HELZ: variants seen among roughly 807,000 people sequenced by gnomAD.
The protein encoded by HELZ is ATP-dependent RNA helicase with zinc finger domain.
In HELZ, 23 loss-of-function variants were observed where a neutral mutation model predicts 218.2. The observed-to-expected ratio is 0.11, with a 90% CI of 0.08 to 0.15. HELZ has a LOEUF of 0.15. Among genes scored for constraint, HELZ ranks in the 10% least tolerant of loss-of-function variants. The probability of loss-of-function intolerance (pLI) is 1.00; values close to 1 mark genes in which losing one functional copy is unlikely to be tolerated. For synonymous variants in HELZ, 814 were observed against 829.4 expected (o/e 0.98, Z 0.32); for missense variants, 1,813 against 2,353.7 (o/e 0.77, Z 4.75).
chr17:67,081,528 T>C (rs867295641), intron 32 of HELZ, among the ~76,000 whole-genome samples: 2 of 152,168 alleles, frequency 1.3e-5, no homozygotes, highest in Admixed American at 6.5e-5. Context: ...TAGCACTTGG[T>C]TTTATGTCCT....
chr17:67,156,638 A>C (rs2038851000), intron 17 of HELZ, among the ~76,000 whole-genome samples: 2 of 151,856 alleles, frequency 1.3e-5, no homozygotes, highest in African/African-American at 2.4e-5. Flanking sequence ...AGCTTCCATG[A>C]CTCAAGCTTT....
intron 4 of HELZ, among the ~76,000 whole-genome samples, 147 bp downstream of exon 4, chr17:67,218,434 GTTCAAAAACGTAGT>G (rs1166345568): frequency 1.3e-5 from 2 of 152,058 alleles, no homozygotes; most frequent in Non-Finnish European, 2.9e-5. Context: ...AGTTTTCAAG[GTTCAAAAACGTAGT>G]TACCTTGCCA....
Position 67,188,536 on chromosome 17 carries a change from T to C in HELZ, c.945A>G (p.Gly315=), listed in dbSNP as rs1162516735. 6.2e-7 allele frequency: 1 copy of C among 1,613,794 alleles called. No homozygotes were observed. Reference sequence around the variant, plus strand: ...CTTGTGATACCTGGGTAGTACTATCTCCGGCAGATATTGCAATGATACTAA... The same window carrying C: ...CTTGTGATACCTGGGTAGTACTATCCCCGGCAGATATTGCAATGATACTAA... ...PHFSIIAISA[G]DSTTQVSQEV... The change falls in exon 12 of 33, where the codon GGA becomes GGG. Residue 315 remains glycine (G), a synonymous_variant. Transcript: ENST00000358691. The surrounding 1 kb of genome is among the most constrained non-coding windows in gnomAD (Gnocchi z 4.1).
chr17:67,152,779 A>C (rs889902114), intron 17 of HELZ, among the ~76,000 whole-genome samples: 4 of 151,510 alleles, frequency 2.6e-5, no homozygotes, highest in Admixed American at 1.3e-4. Context: ...AAAAAAAAAA[A>C]AAAAAACAAC....
intron 25 of HELZ, among the ~76,000 whole-genome samples, chr17:67,123,629 C>T (rs988236464): frequency 6.6e-6 from 1 of 152,084 alleles, no homozygotes; most frequent in African/African-American, 2.4e-5. Context: ...TATTTATGAT[C>T]TGATATTTGT....
upstream of HELZ, chr17:67,245,354 CT>C: frequency 2.8e-6 from 2 of 709,962 alleles, no homozygotes; most frequent in Non-Finnish European, 1.7e-6. Flanking sequence ...GCCCCTTCCC[CT>C]CCCCCGGGCT....
rs150084664 is a variant in HELZ at position 67,174,029 on chromosome 17, G to C, written c.1430+4630C>G. Among the ~76,000 whole-genome samples, 114 of 152,112 alleles carry C rather than the reference G, an allele frequency of 7.5e-4. 1 individual carries two copies. The highest frequency in any genetic ancestry group is 2.7e-3 in the African/African-American group (112 of 41,494). ...TTCACTTCAAAGTAGAATCATTATT[G>C]AACACACACCAACATGTGACTGAGG... On this transcript the variant is annotated intron_variant, in intron 13 of 32. Coordinates refer to ENST00000358691, the MANE Select transcript of HELZ (RefSeq NM_014877.4).
chr17:67,109,622 C>A lies in HELZ; in HGVS notation c.3983G>T (p.Ser1328Ile), dbSNP rs1177017937. ...PESRPSVVYP[S>I]TKFPRKDNLN... Reference sequence around the variant, plus strand: ...ATTATCTTTGCGAGGAAATTTGGTACTGGGATAAACAACACTAGGACGTGA... The same window carrying A: ...ATTATCTTTGCGAGGAAATTTGGTAATGGGATAAACAACACTAGGACGTGA... The change falls in exon 29 of 33, where the codon AGT becomes ATT. Residue 1328 changes from serine to isoleucine, a missense_variant. This residue lies in a region of HELZ where 938 missense variants were observed against 1,027.5 expected (regional missense o/e 0.91). Coordinates refer to ENST00000358691, the MANE Select transcript of HELZ (RefSeq NM_014877.4). 1 of 1,614,050 alleles carries A rather than the reference C, an allele frequency of 6.2e-7. No homozygotes were observed. Among genetic ancestry groups the A allele is most frequent in the East Asian group, 2.2e-5 (1 of 44,878 alleles).
chr17:67,122,005 TC>T (rs1391197655), intron 26 of HELZ, among the ~76,000 whole-genome samples: 2 of 152,208 alleles, frequency 1.3e-5, no homozygotes, highest in Non-Finnish European at 2.9e-5. Context: ...TCAATTTTCC[TC>T]AATAAAATAT....
intron 31 of HELZ, among the ~76,000 whole-genome samples, chr17:67,097,312 G>A (rs1005536359): frequency 1.3e-5 from 2 of 152,102 alleles, no homozygotes; most frequent in Non-Finnish European, 2.9e-5. Context: ...GAAAAATGGC[G>A]CTTATAGACT....
intron 3 of HELZ, among the ~76,000 whole-genome samples, chr17:67,235,982 G>C (rs369612711): frequency 4.9e-4 from 74 of 151,828 alleles, no homozygotes; most frequent in East Asian, 3.9e-3. Flanking sequence ...GGATGGTCTC[G>C]ATCTCCTGAC....
chr17:67,199,815 G>A (rs2040124079), intron 7 of HELZ, among the ~76,000 whole-genome samples: 1 of 152,086 alleles, frequency 6.6e-6, no homozygotes, highest in African/African-American at 2.4e-5. Context: ...GTTGACACCA[G>A]GGTCTCTGCA....
intron 15 of HELZ, among the ~76,000 whole-genome samples, chr17:67,165,118 G>A (rs1393638274): frequency 6.6e-6 from 1 of 152,166 alleles, no homozygotes; most frequent in African/African-American, 2.4e-5. Context: ...TCACTTTCAG[G>A]ATAGTACACA....
At chr17:67,105,594 C>A in intron 31 of HELZ, among the ~76,000 whole-genome samples, 1 of 152,070 alleles carries the variant, frequency 6.6e-6, no homozygotes, top group East Asian at 1.9e-4. Flanking sequence ...TTTAAAATGG[C>A]TAAAATGGTG....
At chr17:67,210,641 T>C (rs2040425833) in intron 5 of HELZ, among the ~76,000 whole-genome samples, 2 of 152,148 alleles carry the variant, frequency 1.3e-5, no homozygotes, top group African/African-American at 4.8e-5. Context: ...TGTAAAAAAA[T>C]GGCCGGGCAC....
At chr17:67,118,558 A>C (rs904953255) in intron 27 of HELZ, among the ~76,000 whole-genome samples, 1 of 152,054 alleles carries the variant, frequency 6.6e-6, no homozygotes, top group African/African-American at 2.4e-5. Context: ...AGATACTGTT[A>C]AGAAAATGAA....
chr17:67,098,550 C>T (rs917862641), intron 31 of HELZ, among the ~76,000 whole-genome samples: 12 of 149,154 alleles, frequency 8.0e-5, no homozygotes, highest in African/African-American at 2.5e-4. Context: ...GCCTGGCCAA[C>T]GTGGTGAAAT....
In HELZ at chr17:67,188,252, G is replaced by A; in HGVS notation, c.1162+67C>T. 7.2e-7 allele frequency: 1 copy of A among 1,391,404 alleles called. No individual in the cohort carries two copies. Among genetic ancestry groups the A allele is most frequent in the Admixed American group, 1.9e-5 (1 of 51,842 alleles). The allele number at this position is 1,391,404 out of a possible 1,614,324, so 86.2% of individuals were successfully genotyped here. A position where few individuals can be genotyped will look rare whatever the true frequency, so the allele number is the denominator to read the frequency against. ...TCCTATCCATGGAATATATTCAGGG[G>A]CCAATACATATCTTTGAATGTTGCT... On this transcript the variant is annotated intron_variant, in intron 12 of 32. Transcript: ENST00000358691. This position sits in a 1 kb window ranked among gnomAD's most constrained non-coding sequence, Gnocchi z 4.1.
intron 3 of HELZ, among the ~76,000 whole-genome samples, chr17:67,236,241 TATTAA>T (rs2041182495): frequency 6.6e-6 from 1 of 152,210 alleles, no homozygotes; most frequent in East Asian, 1.9e-4. Flanking sequence ...CATTTTACAC[TATTAA>T]ATTCACAAAA....
Sources: allele counts gnomAD v4.1 joint callset (sites outside exome capture counted in the v4.1 genomes callset), GRCh38; gene constraint gnomAD v4.1.1; regional missense constraint gnomAD v4.1.1; non-coding constraint Gnocchi (gnomAD v3.1); transcripts MANE v1.5; gene names NCBI Gene and HGNC (gene_info 2026-07-23, HGNC 2026-07-21).